The following FAM180A variants were observed in gnomAD, a reference collection of about 807,000 sequenced individuals.
FAM180A encodes the protein protein FAM180A.
A neutral mutation model predicts 15.3 loss-of-function variants in FAM180A; 14 were observed. That is an observed-to-expected ratio of 0.92 (90% CI 0.61 to 1.43). FAM180A has a LOEUF of 1.43. FAM180A is among the 40% of genes most tolerant of loss of function. The pLI, the probability that FAM180A is intolerant of heterozygous loss-of-function variation, is 0.00. For missense variants in FAM180A, 200 were observed against 220.8 expected (o/e 0.91, Z 0.60); for synonymous variants, 90 against 96.8 (o/e 0.93, Z 0.41).
At chr7:135,732,725 AC>A (rs1335717858) in intron 3 of FAM180A, among the ~76,000 whole-genome samples, 1 of 147,198 alleles carries the variant, frequency 6.8e-6, no homozygotes, top group Non-Finnish European at 1.5e-5. Flanking sequence ...ACACACACAC[AC>A]ACACACACAC....
Position 135,748,702 on chromosome 7 carries a change from A to T in FAM180A, c.-122T>A. ...GTGCTTCCCTCCCTTCCTTTTGCAG[A>T]CGTGCAGAAATGCCTACTCTGCCTC... is the stretch of plus-strand genomic sequence containing the variant. On this transcript the variant is annotated 5_prime_UTR_variant, in exon 1 of 4. Coordinates refer to ENST00000338588, the MANE Select transcript of FAM180A (RefSeq NM_205855.4). The T allele has an allele frequency of 5.0e-6, 4 of 796,456 alleles. No homozygotes were observed. The highest frequency in any genetic ancestry group is 8.7e-6 in the Non-Finnish European group (4 of 460,562). The allele number at this position is 796,456 out of a possible 1,614,324, so 49.3% of individuals were successfully genotyped here. A position where few individuals can be genotyped will look rare whatever the true frequency, so the allele number is the denominator to read the frequency against.
chr7:135,736,843 C>A (rs149594113), intron 2 of FAM180A, among the ~76,000 whole-genome samples: 2 of 152,160 alleles, frequency 1.3e-5, no homozygotes, highest in Admixed American at 1.3e-4. Context: ...ATAGGCCAAA[C>A]CTAATCTTTA....
At chr7:135,730,888 A>G (rs1468492421) in intron 3 of FAM180A, among the ~76,000 whole-genome samples, 1 of 152,188 alleles carries the variant, frequency 6.6e-6, no homozygotes, top group African/African-American at 2.4e-5. Context: ...TTCAGATTAA[A>G]ATAGTTTTTA....
intron 1 of FAM180A, among the ~76,000 whole-genome samples, chr7:135,746,699 T>C (rs1044509011): frequency 6.6e-6 from 1 of 152,236 alleles, no homozygotes; most frequent in African/African-American, 2.4e-5. Context: ...AAGATCTCTT[T>C]GCTTTTTACT....
chr7:135,733,629 G>T lies in FAM180A; in HGVS notation c.*329+17C>A. On this transcript the variant is annotated intron_variant, in intron 3 of 3. Transcript: ENST00000338588. ...CCTAAAGTGCTGGGATTACAGGCGTGAGCCTCTGTGCCCGGCCTGTTCTCA... is the reference window on the plus strand; with the variant it reads ...CCTAAAGTGCTGGGATTACAGGCGTTAGCCTCTGTGCCCGGCCTGTTCTCA... 9.6e-7 allele frequency: 1 copy of T among 1,040,552 alleles called. No individual in the cohort carries two copies. Among genetic ancestry groups the T allele is most frequent in the Non-Finnish European group, 1.2e-6 (1 of 866,326 alleles). The allele number at this position is 1,040,552 out of a possible 1,614,324, so 64.5% of individuals were successfully genotyped here. A position where few individuals can be genotyped will look rare whatever the true frequency, so the allele number is the denominator to read the frequency against.
At chr7:135,736,113 C>G (rs951563199) in intron 2 of FAM180A, among the ~76,000 whole-genome samples, 1 of 151,802 alleles carries the variant, frequency 6.6e-6, no homozygotes, top group African/African-American at 2.4e-5. Context: ...ACCTCCACCT[C>G]CCGGGTTCCA....
intron 1 of FAM180A, among the ~76,000 whole-genome samples, chr7:135,739,987 G>A (rs747707452): frequency 1.2e-4 from 19 of 152,150 alleles, no homozygotes; most frequent in Admixed American, 3.9e-4. Context: ...GCTCTGTTTC[G>A]CCAGACCATG....
At chr7:135,738,970 C>T (rs1483497965) in intron 1 of FAM180A, among the ~76,000 whole-genome samples, 23 of 152,158 alleles carry the variant, frequency 1.5e-4, no homozygotes, top group Admixed American at 1.5e-3. Flanking sequence ...GATAATAGTG[C>T]CCTTGAGCCA....
At chr7:135,737,404 T>C (rs1430836309) in intron 1 of FAM180A, among the ~76,000 whole-genome samples, 1 of 146,884 alleles carries the variant, frequency 6.8e-6, no homozygotes, top group African/African-American at 2.6e-5. Flanking sequence ...CTGGCCAACA[T>C]GGTGCAACCC....
At position 135,734,228 on chromosome 7, in the gene FAM180A, C is replaced by G; in HGVS notation, c.269G>C (p.Arg90Pro). The G allele has an allele frequency of 6.2e-7, 1 of 1,614,150 alleles. No homozygotes were observed. The highest frequency in any genetic ancestry group is 8.5e-7 in the Non-Finnish European group (1 of 1,180,028). The change falls in exon 3 of 4, where the codon CGC becomes CCC. Residue 90 changes from arginine (R) to proline (P), a missense_variant. Coordinates refer to ENST00000338588, the MANE Select transcript of FAM180A (RefSeq NM_205855.4). ...GGGGATGACGTTGTTGCAGACGGTG[C>G]GGAAGTCTGAGGCCTTCCGCAAGGA... ...LASLRKASDF[R>P]TVCNNVIPKS...
At chr7:135,742,326 G>C (rs771491810) in intron 1 of FAM180A, among the ~76,000 whole-genome samples, 4 of 152,178 alleles carry the variant, frequency 2.6e-5, no homozygotes, top group Non-Finnish European at 4.4e-5. Context: ...TAATGATGAA[G>C]GCTGGACCCC....
intron 2 of FAM180A, among the ~76,000 whole-genome samples, chr7:135,735,422 G>C (rs938406326): frequency 6.6e-6 from 1 of 152,212 alleles, no homozygotes; most frequent in Non-Finnish European, 1.5e-5. Flanking sequence ...TGCCCACTAA[G>C]CGTGGGAGCT....
chr7:135,747,247 G>T (rs963284070), intron 1 of FAM180A, among the ~76,000 whole-genome samples: 2 of 151,820 alleles, frequency 1.3e-5, no homozygotes, highest in African/African-American at 4.8e-5. Context: ...CATCTCATAG[G>T]CCCCATAAAT....
At chr7:135,732,006 G>A (rs2129495857) in intron 3 of FAM180A, among the ~76,000 whole-genome samples, 1 of 152,308 alleles carries the variant, frequency 6.6e-6, no homozygotes, top group Middle Eastern at 3.4e-3. Context: ...AGATCTCTGA[G>A]CTAATGAGGA....
At chr7:135,742,381 A>G (rs1796963369) in intron 1 of FAM180A, among the ~76,000 whole-genome samples, 1 of 152,174 alleles carries the variant, frequency 6.6e-6, no homozygotes, top group Non-Finnish European at 1.5e-5. Context: ...AAACTCCAAG[A>G]TGTATATGTG....
rs186527337 is a variant in FAM180A at position 135,738,850 on chromosome 7, A to G, written c.77-1651T>C. ...TCTTTAAGACACTTAATTATGATCTACCAGAAAACTGTGGAAATAATGGTA... is the reference window on the plus strand; with the variant it reads ...TCTTTAAGACACTTAATTATGATCTGCCAGAAAACTGTGGAAATAATGGTA... On this transcript the variant is annotated intron_variant, in intron 1 of 3. Coordinates refer to ENST00000338588, the MANE Select transcript of FAM180A (RefSeq NM_205855.4). 2.6e-5 allele frequency among the ~76,000 whole-genome samples: 4 copies of G among 152,330 alleles called. No individual in the cohort carries two copies. In the East Asian group the frequency reaches 7.7e-4, roughly 29 times the overall value.
chr7:135,737,665 A>G (rs1318172181), intron 1 of FAM180A, among the ~76,000 whole-genome samples: 3 of 151,120 alleles, frequency 2.0e-5, no homozygotes, highest in African/African-American at 4.9e-5. Flanking sequence ...GTGAGGAGAG[A>G]GGTGACATAC....
chr7:135,735,989 C>G (rs192738350), intron 2 of FAM180A, among the ~76,000 whole-genome samples: 2 of 150,600 alleles, frequency 1.3e-5, no homozygotes, highest in African/African-American at 4.9e-5. Flanking sequence ...AAGCATGAGC[C>G]GCCGCACCTG....
intron 1 of FAM180A, among the ~76,000 whole-genome samples, chr7:135,745,174 G>A (rs1797013382): frequency 6.6e-6 from 1 of 152,036 alleles, no homozygotes; most frequent in East Asian, 1.9e-4. Flanking sequence ...TACTTACTGA[G>A]TACTGACCAC....
Sources: gnomAD v4.1 joint callset for allele counts (sites outside exome capture counted in the v4.1 genomes callset) on GRCh38, gnomAD v4.1.1 for gene constraint, MANE v1.5 for transcripts, NCBI Gene and HGNC (gene_info 2026-07-23, HGNC 2026-07-21) for gene names.